The following ERCC3 variants were observed in gnomAD, a reference collection of about 807,000 sequenced individuals.
The protein encoded by ERCC3 is ERCC excision repair 3, TFIIH core complex helicase subunit.
Under a neutral mutation model 94.2 loss-of-function variants are expected in ERCC3, and 66 were observed. That is an observed-to-expected ratio of 0.70 (90% CI 0.57 to 0.86). ERCC3 has a LOEUF of 0.86. Among genes scored for constraint, ERCC3 ranks in the 40% least tolerant of loss-of-function variants. The probability of loss-of-function intolerance (pLI) is 0.00; values close to 1 mark genes in which losing one functional copy is unlikely to be tolerated. For synonymous variants in ERCC3, 349 were observed against 369.1 expected (o/e 0.95, Z 0.63); for missense variants, 829 against 987.1 (o/e 0.84, Z 2.15).
rs538054473 is a variant in ERCC3 at position 127,293,387 on chromosome 2, G to A, written c.234+126C>T. On this transcript the variant is annotated intron_variant, in intron 2 of 14. Coordinates refer to ENST00000285398, the MANE Select transcript of ERCC3 (RefSeq NM_000122.2). ...TTGGGCTGTTCCAACGTGTGTGGAT[G>A]AAAATTCTCTCCCGGCCAGTTCTAG... 3.3e-6 allele frequency: 3 copies of A among 912,656 alleles called. No individual in the cohort carries two copies. The South Asian group carries it at 4.5e-5, about 14-fold the overall frequency. The allele number at this position is 912,656 out of a possible 1,614,324, so 56.5% of individuals were successfully genotyped here.
chr2:127,262,470 GC>G (rs1684223914), intron 12 of ERCC3: 1 of 152,292 alleles, frequency 6.6e-6, no homozygotes, highest in African/African-American at 2.4e-5. Context: ...TCCAGCCTGG[GC>G]GATAGAGCGA....
At chr2:127,270,645 G>A (rs937036743) in intron 12 of ERCC3, among the ~76,000 whole-genome samples, 1 of 152,214 alleles carries the variant, frequency 6.6e-6, no homozygotes, top group African/African-American at 2.4e-5. Context: ...ACTCCTTGAG[G>A]ATAGGGCTTG....
chr2:127,261,036 G>C (rs1684174579), intron 13 of ERCC3, 192 bp downstream of exon 13: 2 of 623,324 alleles, frequency 3.2e-6, no homozygotes, highest in Non-Finnish European at 5.9e-6. Flanking sequence ...CCTCAGTCCT[G>C]CCAGGACGGC....
chr2:127,279,527 T>G lies in ERCC3; in HGVS notation c.1528-152A>C. The G allele has an allele frequency of 4.2e-6, 3 of 706,920 alleles. No individual in the cohort carries two copies. The highest frequency in any genetic ancestry group is 7.6e-6 in the Non-Finnish European group (3 of 392,324). The allele number at this position is 706,920 out of a possible 1,614,324, so 43.8% of individuals were successfully genotyped here. A position where few individuals can be genotyped will look rare whatever the true frequency, so the allele number is the denominator to read the frequency against. On this transcript the variant is annotated intron_variant, in intron 9 of 14. Transcript: ENST00000285398. The surrounding 1 kb of genome is among the most constrained non-coding windows in gnomAD (Gnocchi z 4.7). ...CTGTAATGCCAGCAGTTTGGGAGGC[T>G]GAGGCAGGCAGATCACTTGAGGCCA...
Position 127,274,157 on chromosome 2 carries a change from T to C in ERCC3, c.1731-1196A>G, listed in dbSNP as rs1329931290. ...GGTGAGACCCCATCTCTACTAAAAATAAAAAAAATTAGCTGGGTATGGTGG... is the reference window on the plus strand; with the variant it reads ...GGTGAGACCCCATCTCTACTAAAAACAAAAAAAATTAGCTGGGTATGGTGG... On this transcript the variant is annotated intron_variant, in intron 10 of 14. Transcript: ENST00000285398. The surrounding 1 kb of genome is among the most constrained non-coding windows in gnomAD (Gnocchi z 4.0). 6.7e-6 allele frequency among the ~76,000 whole-genome samples: 1 copy of C among 150,122 alleles called. No individual in the cohort carries two copies. The highest frequency in any genetic ancestry group is 1.5e-5 in the Non-Finnish European group (1 of 67,526).
In ERCC3 at chr2:127,291,647, T is replaced by G. The variant is rs1486068057; in HGVS notation, c.471+963A>C. Among the ~76,000 whole-genome samples the G allele has an allele frequency of 6.6e-6, 1 of 152,178 alleles. No homozygotes were observed. The highest frequency in any genetic ancestry group is 1.5e-5 in the Non-Finnish European group (1 of 68,036). On this transcript the variant is annotated intron_variant, in intron 3 of 14. Coordinates refer to ENST00000285398, the MANE Select transcript of ERCC3 (RefSeq NM_000122.2). The surrounding 1 kb of genome is among the most constrained non-coding windows in gnomAD (Gnocchi z 4.9). ...GACTGGCTGCAGTACCATACTGAAT[T>G]CCTGTGGCACTCTTCTGCCACTCCA...
chr2:127,269,171 A>G (rs1684470546), intron 12 of ERCC3, among the ~76,000 whole-genome samples: 1 of 152,214 alleles, frequency 6.6e-6, no homozygotes, highest in Non-Finnish European at 1.5e-5. Context: ...TGAATGTGGA[A>G]AGGAAAATTG....
Position 127,280,379 on chromosome 2 carries a change from G to C in ERCC3, c.1527+68C>G. ...GACCTGTGTCTGCCCATGAGGAATC[G>C]ATCTGATCACTCCCCTGCCCATAGG... On this transcript the variant is annotated intron_variant, in intron 9 of 14. Transcript: ENST00000285398. The surrounding 1 kb of genome is among the most constrained non-coding windows in gnomAD (Gnocchi z 6.3). 7.2e-7 allele frequency: 1 copy of C among 1,394,654 alleles called. No individual in the cohort carries two copies. Among genetic ancestry groups the C allele is most frequent in the Non-Finnish European group, 1.0e-6 (1 of 1,000,792 alleles). The allele number at this position is 1,394,654 out of a possible 1,614,324, so 86.4% of individuals were successfully genotyped here.
Position 127,289,734 on chromosome 2 carries a change from C to A in ERCC3, c.612G>T (p.Gly204=). ...IRECRLRNSE[G]EATELITETF... ...TCTCTGTGATGAGCTCAGTGGCCTC[C>A]CCTTCAGAGTTTCTTAAGCGGCATT... is the stretch of plus-strand genomic sequence containing the variant. The change falls in exon 5 of 15, where the codon GGG becomes GGT. Residue 204 remains glycine (G), a synonymous_variant. Coordinates refer to ENST00000285398, the MANE Select transcript of ERCC3 (RefSeq NM_000122.2). 6.2e-7 allele frequency: 1 copy of A among 1,614,118 alleles called. No individual in the cohort carries two copies. Among genetic ancestry groups the A allele is most frequent in the Non-Finnish European group, 8.5e-7 (1 of 1,180,028 alleles).
In ERCC3 at chr2:127,279,359, G is replaced by A. The variant is rs2104760087; in HGVS notation, c.1544C>T (p.Ser515Phe). Reference sequence around the variant, plus strand: ...CACATATTCCCGGTAAAATTCAGGAGACATAGGGCACCAGACCTGTAATAC... The same window carrying A: ...CACATATTCCCGGTAAAATTCAGGAAACATAGGGCACCAGACCTGTAATAC... The part of the protein sequence containing the change: ...VQCAEVWCPM[S>F]PEFYREYVAI... Residue 515 changes from serine to phenylalanine, a missense_variant, in exon 10 of 15, where the codon TCT becomes TTT. Physicochemically the swap from Ser to Phe is radical, Grantham distance 155. Transcript: ENST00000285398. The surrounding 1 kb of genome is among the most constrained non-coding windows in gnomAD (Gnocchi z 4.7). 1 of 1,613,588 alleles carries A rather than the reference G, an allele frequency of 6.2e-7. No homozygotes were observed. Among genetic ancestry groups the A allele is most frequent in the South Asian group, 1.1e-5 (1 of 91,060 alleles).
At chr2:127,293,837 G>A (rs1488552918) in intron 1 of ERCC3, 119 bp from the exon 2 acceptor site, 2 of 1,579,180 alleles carry the variant, frequency 1.3e-6, no homozygotes, top group South Asian at 1.1e-5. Flanking sequence ...CCTGCATCCC[G>A]CAGGCGTTGC....
intron 10 of ERCC3, among the ~76,000 whole-genome samples, chr2:127,275,404 A>C (rs192187607): frequency 1.8e-4 from 27 of 152,304 alleles, no homozygotes; most frequent in South Asian, 4.1e-4. Context: ...CAGAGACACA[A>C]AAAAAAGGTA....
In ERCC3 at chr2:127,284,068, C is replaced by A. The variant is rs930041983; in HGVS notation, c.1342+2635G>T. 5.3e-5 allele frequency: 8 copies of A among 152,202 alleles called. No individual in the cohort carries two copies. Among genetic ancestry groups the A allele is most frequent in the Non-Finnish European group, 1.2e-4 (8 of 68,042 alleles). 9.4% of individuals were successfully genotyped at this position (152,202 alleles called of 1,614,324 possible). ...TCAAGCCAAAAACCTTAGTGTCATT[C>A]TTGATTTCTCTCTGATTCCACACCT... On this transcript the variant is annotated intron_variant, in intron 8 of 14. Transcript: ENST00000285398. This position sits in a 1 kb window ranked among gnomAD's most constrained non-coding sequence, Gnocchi z 4.1.
At chr2:127,283,779 G>A (rs1245060154) in intron 8 of ERCC3, among the ~76,000 whole-genome samples, 2 of 152,158 alleles carry the variant, frequency 1.3e-5, no homozygotes, top group Admixed American at 6.5e-5. Flanking sequence ...AGCATCCTGT[G>A]GTGGGTTTAA....
At chr2:127,289,008 G>A (rs967339783) in intron 6 of ERCC3, 144 bp from the exon 7 acceptor site, 2 of 809,260 alleles carry the variant, frequency 2.5e-6, no homozygotes, top group African/African-American at 3.4e-5. Flanking sequence ...CAACAACCGG[G>A]ATAAAGCACA....
chr2:127,259,191 A>C lies in ERCC3; in HGVS notation c.2217+105T>G. ...CCGTGTTTTCCAACATTTCCAAAAAAATCCCATGGGCCCATCCAGGCAGGA... is the reference window on the plus strand; with the variant it reads ...CCGTGTTTTCCAACATTTCCAAAAACATCCCATGGGCCCATCCAGGCAGGA... On this transcript the variant is annotated intron_variant, in intron 14 of 14. Transcript: ENST00000285398. The surrounding 1 kb of genome is among the most constrained non-coding windows in gnomAD (Gnocchi z 4.9). The C allele has an allele frequency of 7.3e-7, 1 of 1,366,204 alleles. No individual in the cohort carries two copies. Among genetic ancestry groups the C allele is most frequent in the Non-Finnish European group, 1.0e-6 (1 of 966,472 alleles). 84.6% of individuals were successfully genotyped at this position (1,366,204 alleles called of 1,614,324 possible).
intron 8 of ERCC3, among the ~76,000 whole-genome samples, chr2:127,283,019 C>G (rs1684963759): frequency 6.6e-6 from 1 of 151,724 alleles, no homozygotes; most frequent in East Asian, 1.9e-4. Flanking sequence ...ATTCCAGACT[C>G]CTTTGTGGGT....
chr2:127,288,778 G>A lies in ERCC3; in HGVS notation c.909C>T (p.Asn303=), dbSNP rs763610465. 2 of 1,613,788 alleles carry A rather than the reference G, an allele frequency of 1.2e-6. No individual in the cohort carries two copies. Among genetic ancestry groups the A allele is most frequent in the Non-Finnish European group, 8.5e-7 (1 of 1,179,756 alleles). Residue 303 remains asparagine (N), a synonymous_variant, in exon 7 of 15, where the codon AAC becomes AAT. Transcript: ENST00000285398. The part of the protein sequence containing the change: ...AEYDFRNDSV[N]PDINIDLKPT... ...GCTTTAGGTCAATGTTGATATCAGGGTTGACAGAATCATTCCGGAAGTCAT... is the reference window on the plus strand; with the variant it reads ...GCTTTAGGTCAATGTTGATATCAGGATTGACAGAATCATTCCGGAAGTCAT...
Position 127,289,804 on chromosome 2 carries a change from T to C in ERCC3, c.542A>G (p.His181Arg). The C allele has an allele frequency of 6.2e-7, 1 of 1,614,050 alleles. No homozygotes were observed. The highest frequency in any genetic ancestry group is 8.5e-7 in the Non-Finnish European group (1 of 1,180,018). ...KHNRYFVESC[H>R]PDVIQHLLQD... is the part of the protein sequence containing the mutation. The stretch of plus-strand genomic sequence containing the variant: ...GAGAAGATGCTGGATTACATCAGGG[T>C]GGCAACTTTCAACGAAGTATCTGCA... Residue 181 changes from histidine to arginine, a missense_variant, in exon 5 of 15, where the codon CAC becomes CGC. Transcript: ENST00000285398.
Sources: allele counts gnomAD v4.1 joint callset (sites outside exome capture counted in the v4.1 genomes callset), GRCh38; gene constraint gnomAD v4.1.1; non-coding constraint Gnocchi (gnomAD v3.1); transcripts MANE v1.5; gene names NCBI Gene and HGNC (gene_info 2026-07-23, HGNC 2026-07-21).